The following TULP3 variants were observed in gnomAD, a reference collection of about 807,000 sequenced individuals.
TULP3 encodes the protein TUB like protein 3.
A neutral mutation model predicts 50.7 loss-of-function variants in TULP3; 38 were observed. The ratio of observed to expected loss-of-function variants is 0.75; its 90% confidence interval spans 0.58 to 0.98. TULP3 has a LOEUF of 0.98. Among genes scored for constraint, TULP3 ranks in the 50% least tolerant of loss-of-function variants. The pLI is 0.00. For missense variants in TULP3, 550 were observed against 568.0 expected (o/e 0.97, Z 0.32); for synonymous variants, 183 against 196.6 (o/e 0.93, Z 0.58).
intron 4 of TULP3, among the ~76,000 whole-genome samples, chr12:2,925,506 G>A (rs2098194211): frequency 6.6e-6 from 1 of 152,154 alleles, no homozygotes; most frequent in African/African-American, 2.4e-5. Flanking sequence ...AGGGGAGCAG[G>A]GAAGTAGCTG....
At chr12:2,936,305 G>C (rs1429841451) in intron 8 of TULP3, among the ~76,000 whole-genome samples, 3 of 152,058 alleles carry the variant, frequency 2.0e-5, no homozygotes, top group Non-Finnish European at 4.4e-5. Flanking sequence ...GGCTTGACAG[G>C]CATTTTTAAT....
At chr12:2,930,584 C>T (rs999830466) in intron 5 of TULP3, among the ~76,000 whole-genome samples, 7 of 152,032 alleles carry the variant, frequency 4.6e-5, no homozygotes, top group South Asian at 2.1e-4. Flanking sequence ...CCATGACACC[C>T]GGCTAATTTT....
chr12:2,909,595 C>A lies in TULP3; in HGVS notation c.93+15C>A. On this transcript the variant is annotated intron_variant, in intron 2 of 10. Coordinates refer to ENST00000448120, the MANE Select transcript of TULP3 (RefSeq NM_003324.5). ...TGGATTATCAGGTGAGCAGAGTCTCCTCTTTTGAAATAGGTGGCCAACTAT... is the reference window on the plus strand; with the variant it reads ...TGGATTATCAGGTGAGCAGAGTCTCATCTTTTGAAATAGGTGGCCAACTAT... The A allele has an allele frequency of 6.3e-7, 1 of 1,581,636 alleles. No homozygotes were observed. The highest frequency in any genetic ancestry group is 2.0e-5 in the Admixed American group (1 of 50,134).
At chr12:2,934,952 G>T (rs2098200251) in intron 8 of TULP3, among the ~76,000 whole-genome samples, 1 of 150,378 alleles carries the variant, frequency 6.6e-6, no homozygotes, top group African/African-American at 2.5e-5. Flanking sequence ...GGCATTTATA[G>T]TCCACTTCTT....
chr12:2,926,650 C>T (rs1028054897), intron 4 of TULP3, among the ~76,000 whole-genome samples: 1 of 152,160 alleles, frequency 6.6e-6, no homozygotes, highest in African/African-American at 2.4e-5. Context: ...GCCGGTAATT[C>T]CAGCACTTTG....
chr12:2,930,597 G>A (rs2098197413), intron 5 of TULP3, among the ~76,000 whole-genome samples: 1 of 151,912 alleles, frequency 6.6e-6, no homozygotes, highest in Admixed American at 6.6e-5. Flanking sequence ...CTAATTTTTT[G>A]TATTTTTAGT....
intron 1 of TULP3, among the ~76,000 whole-genome samples, chr12:2,905,283 T>C (rs1288942381): frequency 6.6e-6 from 1 of 150,878 alleles, no homozygotes; most frequent in Non-Finnish European, 1.5e-5. Flanking sequence ...CCTCCCAGGT[T>C]CAAGCAATTC....
In TULP3 at chr12:2,931,133, C is replaced by G; in HGVS notation, c.589C>G (p.Pro197Ala). The change falls in exon 6 of 11, where the codon CCT becomes GCT. Residue 197 changes from proline to alanine, a missense_variant. By Grantham distance (27) the Pro-to-Ala change is conservative. Transcript: ENST00000448120. Reference sequence around the variant, plus strand: ...GGAGGACTTTGTGTATAGTCCTGCCCCTCAAGGTGTCACAGTAAGATGTCG... The same window carrying G: ...GGAGGACTTTGTGTATAGTCCTGCCGCTCAAGGTGTCACAGTAAGATGTCG... Reference protein sequence around the residue: ...DLEDFVYSPAPQGVTVRCRII... With the variant: ...DLEDFVYSPAAQGVTVRCRII... 1.9e-6 allele frequency: 3 copies of G among 1,614,104 alleles called. No individual in the cohort carries two copies. Among genetic ancestry groups the G allele is most frequent in the Non-Finnish European group, 2.5e-6 (3 of 1,180,032 alleles).
rs1217637202 is a variant in TULP3, at chr12:2,933,481, G to A, written c.760G>A (p.Asp254Asn). ...AACAGCCAACTACCTTATCTCCATT[G>A]ATCCAGTTGATTTATCTCGTGAAGG... ...SKTANYLISI[D>N]PVDLSREGES... Residue 254 changes from aspartate (D) to asparagine (N), a missense_variant, in exon 7 of 11, where the codon GAT becomes AAT. Asp to Asn is a conservative substitution (Grantham distance 23). Transcript: ENST00000448120. 2.5e-6 allele frequency: 4 copies of A among 1,614,008 alleles called. No individual in the cohort carries two copies. The highest frequency in any genetic ancestry group is 2.2e-5 in the South Asian group (2 of 91,058).
chr12:2,921,010 C>A, intron 3 of TULP3, 88 bp downstream of exon 3: 1 of 1,486,578 alleles, frequency 6.7e-7, no homozygotes, highest in Non-Finnish European at 9.3e-7. Context: ...ACCAAAGGGA[C>A]AATATTATTA....
intron 4 of TULP3, among the ~76,000 whole-genome samples, chr12:2,922,666 T>C (rs758615): frequency 0.48 from 72,792 of 151,882 alleles, 17,940 homozygotes; most frequent in African/African-American, 0.6. Flanking sequence ...GACTGTTTGT[T>C]TCTTTTTGAC....
intron 4 of TULP3, among the ~76,000 whole-genome samples, chr12:2,926,720 G>C (rs2098194882): frequency 6.6e-6 from 1 of 151,940 alleles, no homozygotes; most frequent in Non-Finnish European, 1.5e-5. Context: ...GGCCAACGTG[G>C]TGAAACTCCG....
rs566837205 is a variant in TULP3 at position 2,897,096 on chromosome 12, C to A, written c.41+6108C>A. 3.3e-5 allele frequency among the ~76,000 whole-genome samples: 5 copies of A among 152,164 alleles called. No individual in the cohort carries two copies. The East Asian group carries it at 9.7e-4, about 29-fold the overall frequency. On this transcript the variant is annotated intron_variant, in intron 1 of 10. Coordinates refer to ENST00000448120, the MANE Select transcript of TULP3 (RefSeq NM_003324.5). ...GGATCTCGGCTCATGGCAACCTCCACCTCCTGGGTTCAAGCAGTTCTCCCT... is the reference window on the plus strand; with the variant it reads ...GGATCTCGGCTCATGGCAACCTCCAACTCCTGGGTTCAAGCAGTTCTCCCT...
chr12:2,933,480 T>G lies in TULP3; in HGVS notation c.759T>G (p.Ile253Met). ...KSKTANYLIS[I>M]DPVDLSREGE... ...AAACAGCCAACTACCTTATCTCCATTGATCCAGTTGATTTATCTCGTGAAG... is the reference window on the plus strand; with the variant it reads ...AAACAGCCAACTACCTTATCTCCATGGATCCAGTTGATTTATCTCGTGAAG... The change falls in exon 7 of 11, where the codon ATT (isoleucine) becomes ATG (methionine). Residue 253 changes from isoleucine (I) to methionine (M), a missense_variant. Physicochemically the swap from Ile to Met is conservative, Grantham distance 10 (BLOSUM62 1). Coordinates refer to ENST00000448120, the MANE Select transcript of TULP3 (RefSeq NM_003324.5). The G allele has an allele frequency of 1.2e-6, 2 of 1,614,060 alleles. No homozygotes were observed. The highest frequency in any genetic ancestry group is 1.7e-6 in the Non-Finnish European group (2 of 1,179,976).
At position 2,933,004 on chromosome 12, in the gene TULP3, A is replaced by T. The variant is rs981633964; in HGVS notation, c.697-414A>T. Among the ~76,000 whole-genome samples, 3 of 151,514 alleles carry T rather than the reference A, an allele frequency of 2.0e-5. No individual in the cohort carries two copies. In the East Asian group the frequency reaches 5.8e-4, roughly 29 times the overall value. On this transcript the variant is annotated intron_variant, in intron 6 of 10. Transcript: ENST00000448120. ...GTCACCCAGGCTGGAGTGCAATGGCATGATCTCGGCTCACTGCAAGCTCCG... is the reference window on the plus strand; with the variant it reads ...GTCACCCAGGCTGGAGTGCAATGGCTTGATCTCGGCTCACTGCAAGCTCCG...
intron 6 of TULP3, among the ~76,000 whole-genome samples, chr12:2,933,100 G>A (rs754255438): frequency 1.7e-4 from 26 of 151,926 alleles, no homozygotes; most frequent in Non-Finnish European, 3.7e-4. Flanking sequence ...CTGCAACCAC[G>A]CCCAGCTAAT....
At chr12:2,902,385 C>T (rs1361110934) in intron 1 of TULP3, among the ~76,000 whole-genome samples, 3 of 152,198 alleles carry the variant, frequency 2.0e-5, no homozygotes, top group Non-Finnish European at 4.4e-5. Context: ...AAGTCTTATC[C>T]TGCTGCTTTC....
chr12:2,914,997 C>T (rs1238223088), intron 2 of TULP3, among the ~76,000 whole-genome samples: 2 of 145,976 alleles, frequency 1.4e-5, no homozygotes, highest in Non-Finnish European at 3.0e-5. Flanking sequence ...CTTTTCTTTT[C>T]TTTTTTTTGA....
chr12:2,940,049 A>C lies in TULP3; in HGVS notation c.*605A>C. Reference sequence around the variant, plus strand: ...GATTGGCCGGCACCAATCTTAGTCAAGAGTGGCTGTGATCACATTTGTGAT... The same window carrying C: ...GATTGGCCGGCACCAATCTTAGTCACGAGTGGCTGTGATCACATTTGTGAT... On this transcript the variant is annotated 3_prime_UTR_variant, in exon 11 of 11. Coordinates refer to ENST00000448120, the MANE Select transcript of TULP3 (RefSeq NM_003324.5). 7.8e-7 allele frequency: 1 copy of C among 1,289,152 alleles called. No individual in the cohort carries two copies. Among genetic ancestry groups the C allele is most frequent in the African/African-American group, 1.5e-5 (1 of 66,004 alleles). 79.9% of individuals were successfully genotyped at this position (1,289,152 alleles called of 1,614,324 possible).
Sources: gnomAD v4.1 joint callset for allele counts (sites outside exome capture counted in the v4.1 genomes callset) on GRCh38, gnomAD v4.1.1 for gene constraint, MANE v1.5 for transcripts, NCBI Gene and HGNC (gene_info 2026-07-23, HGNC 2026-07-21) for gene names.